Variants in SGCZ observed in about 807,000 individuals in gnomAD.
SGCZ encodes zeta-sarcoglycan.
A neutral mutation model predicts 41.3 loss-of-function variants in SGCZ; 40 were observed. The ratio of observed to expected loss-of-function variants is 0.97; its 90% confidence interval spans 0.75 to 1.26. The LOEUF is 1.26. SGCZ is among the 50% of genes most tolerant of loss of function. The pLI, the probability that SGCZ is intolerant of heterozygous loss-of-function variation, is 0.00. For synonymous variants in SGCZ, 206 were observed against 137.5 expected (o/e 1.50, Z -3.49); for missense variants, 552 against 369.8 (o/e 1.49, Z -4.04).
intron 1 of SGCZ, among the ~76,000 whole-genome samples, chr8:14,785,455 T>C (rs1357412660): frequency 6.6e-6 from 1 of 152,096 alleles, no homozygotes; most frequent in Non-Finnish European, 1.5e-5. Flanking sequence ...AAATTTAAAA[T>C]GCATGGTATA....
intron 1 of SGCZ, among the ~76,000 whole-genome samples, chr8:14,665,539 C>T (rs778285307): frequency 2.6e-5 from 4 of 152,082 alleles, no homozygotes; most frequent in Non-Finnish European, 5.9e-5. Flanking sequence ...AATGGGATGG[C>T]TGGGTCAAAT....
At chr8:14,564,201 T>C (rs187267450) in intron 1 of SGCZ, among the ~76,000 whole-genome samples, 8 of 152,310 alleles carry the variant, frequency 5.3e-5, no homozygotes, top group East Asian at 1.9e-4. Context: ...TGCAACATCC[T>C]TGTGACCATG....
chr8:15,208,431 G>A (rs757972816), intron 1 of SGCZ, among the ~76,000 whole-genome samples: 26 of 152,134 alleles, frequency 1.7e-4, no homozygotes, highest in Non-Finnish European at 3.5e-4. Flanking sequence ...CTCATAGAGT[G>A]TTTTCCAGAA....
In SGCZ at chr8:14,833,598, T is replaced by G. The variant is rs568743960; in HGVS notation, c.40-278672A>C. On this transcript the variant is annotated intron_variant, in intron 1 of 7. Coordinates refer to ENST00000382080, the MANE Select transcript of SGCZ (RefSeq NM_139167.4). ...AGGATAGCCTTAACACCTCAGGTTTTTAGTTGATTCTCAGCTAATCTGAAT... is the reference window on the plus strand; with the variant it reads ...AGGATAGCCTTAACACCTCAGGTTTGTAGTTGATTCTCAGCTAATCTGAAT... 8.5e-5 allele frequency among the ~76,000 whole-genome samples: 13 copies of G among 152,292 alleles called. No homozygotes were observed. In the South Asian group the frequency reaches 2.7e-3, roughly 32 times the overall value.
chr8:14,525,515 T>G (rs543364927), intron 2 of SGCZ, among the ~76,000 whole-genome samples: 2 of 152,282 alleles, frequency 1.3e-5, no homozygotes, highest in East Asian at 3.9e-4. Flanking sequence ...CATTTTCATG[T>G]AAAGACAATT....
chr8:14,374,336 C>T (rs1184001526), intron 2 of SGCZ, among the ~76,000 whole-genome samples: 1 of 152,040 alleles, frequency 6.6e-6, no homozygotes, highest in Non-Finnish European at 1.5e-5. Context: ...CAGAGAGACC[C>T]TGTCTCAAAA....
chr8:14,567,404 G>C (rs1464476713), intron 1 of SGCZ, among the ~76,000 whole-genome samples: 1 of 152,116 alleles, frequency 6.6e-6, no homozygotes, highest in Non-Finnish European at 1.5e-5. Flanking sequence ...TACACCAGTG[G>C]ACACTCTTTA....
intron 1 of SGCZ, among the ~76,000 whole-genome samples, chr8:14,596,582 C>T (rs1805420241): frequency 6.6e-6 from 1 of 151,860 alleles, no homozygotes; most frequent in Non-Finnish European, 1.5e-5. Context: ...ACCAAGATTT[C>T]CTTGGACTAC....
At chr8:15,115,948 A>G (rs924354550) in intron 1 of SGCZ, among the ~76,000 whole-genome samples, 3 of 152,224 alleles carry the variant, frequency 2.0e-5, no homozygotes, top group Non-Finnish European at 2.9e-5. Flanking sequence ...GCAAACTTTA[A>G]TAGGCCACAT....
At chr8:15,138,541 G>A (rs1808201281) in intron 1 of SGCZ, among the ~76,000 whole-genome samples, 1 of 152,156 alleles carries the variant, frequency 6.6e-6, no homozygotes, top group African/African-American at 2.4e-5. Context: ...ACTGAAGCAT[G>A]AGGGTGGTTT....
At chr8:15,061,530 T>TAA (rs56690396) in intron 1 of SGCZ, among the ~76,000 whole-genome samples, 13,541 of 141,904 alleles carry the variant, frequency 0.095, 807 homozygotes, top group East Asian at 0.29. Context: ...TTACAGTATA[T>TAA]AAAAAAAAAA....
intron 1 of SGCZ, among the ~76,000 whole-genome samples, chr8:14,566,874 C>T (rs973408376): frequency 4.6e-5 from 7 of 152,190 alleles, no homozygotes; most frequent in Admixed American, 1.3e-4. Context: ...CGGGCCAGTG[C>T]GAGTTCCAGG....
At chr8:14,828,424 G>T (rs146358026) in intron 1 of SGCZ, among the ~76,000 whole-genome samples, 24 of 152,176 alleles carry the variant, frequency 1.6e-4, no homozygotes, top group Admixed American at 1.6e-3. Flanking sequence ...AAAAATTAAA[G>T]TTAAGCAAAC....
intron 5 of SGCZ, among the ~76,000 whole-genome samples, chr8:14,148,183 G>A (rs547156536): frequency 1.3e-5 from 2 of 151,956 alleles, no homozygotes; most frequent in Non-Finnish European, 2.9e-5. Flanking sequence ...AAAATTAGTA[G>A]AAGAAACAAT....
At chr8:14,864,081 C>T (rs1198197401) in intron 1 of SGCZ, among the ~76,000 whole-genome samples, 3 of 152,140 alleles carry the variant, frequency 2.0e-5, no homozygotes, top group Admixed American at 1.3e-4. Flanking sequence ...CATAAAGTTA[C>T]TAAATTCCTA....
At chr8:14,633,818 T>C (rs1438216801) in intron 1 of SGCZ, among the ~76,000 whole-genome samples, 1 of 152,050 alleles carries the variant, frequency 6.6e-6, no homozygotes, top group South Asian at 2.1e-4. Context: ...GAAGGATGAA[T>C]TAAGTAGTCC....
At chr8:14,880,972 A>T (rs756115726) in intron 1 of SGCZ, among the ~76,000 whole-genome samples, 5 of 152,076 alleles carry the variant, frequency 3.3e-5, no homozygotes, top group African/African-American at 9.7e-5. Context: ...AAAGAAATAT[A>T]TCACAGACAA....
intron 1 of SGCZ, among the ~76,000 whole-genome samples, chr8:15,234,501 A>G (rs988783384): frequency 1.3e-5 from 2 of 152,238 alleles, no homozygotes; most frequent in Non-Finnish European, 2.9e-5. Context: ...TTCAACACTG[A>G]TGTGTTTCAT....
intron 3 of SGCZ, among the ~76,000 whole-genome samples, chr8:14,314,734 A>G (rs1036738196): frequency 3.9e-5 from 6 of 152,158 alleles, no homozygotes; most frequent in African/African-American, 1.2e-4. Context: ...GATTTAATTT[A>G]CTTATGTTTG....
Sources: gnomAD v4.1 joint callset for allele counts (sites outside exome capture counted in the v4.1 genomes callset) on GRCh38, gnomAD v4.1.1 for gene constraint, MANE v1.5 for transcripts, NCBI Gene and HGNC (gene_info 2026-07-23, HGNC 2026-07-21) for gene names.